Variants in HNRNPUL2 observed in about 807,000 individuals in gnomAD.
HNRNPUL2 encodes heterogeneous nuclear ribonucleoprotein U-like protein 2.
Under a neutral mutation model 102.2 loss-of-function variants are expected in HNRNPUL2, and 27 were observed. The observed-to-expected ratio is 0.26, with a 90% CI of 0.19 to 0.36. HNRNPUL2 has a LOEUF of 0.36. Ranked by LOEUF, HNRNPUL2 falls within the 10% of genes least tolerant of loss-of-function variation. The pLI is 1.00. For synonymous variants in HNRNPUL2, 458 were observed against 387.2 expected (o/e 1.18, Z -2.15); for missense variants, 936 against 981.1 (o/e 0.95, Z 0.61).
intron 2 of HNRNPUL2, 57 bp from the exon 3 acceptor site, chr11:62,724,047 G>GGT: frequency 7.1e-7 from 1 of 1,404,396 alleles, no homozygotes. Flanking sequence ...TTCTTTGAGG[G>GGT]GTGTGTGTGT....
chr11:62,722,395 G>C lies in HNRNPUL2; in HGVS notation c.1096-15C>G, dbSNP rs1049703066. Reference sequence around the variant, plus strand: ...GTCTCAAAATTCTACAATGACAAGGGACAAGAGCACTTATTGGCTGACGAG... The same window carrying C: ...GTCTCAAAATTCTACAATGACAAGGCACAAGAGCACTTATTGGCTGACGAG... On this transcript the variant is annotated splice_polypyrimidine_tract_variant and intron_variant, in intron 6 of 13. Coordinates refer to ENST00000301785, the MANE Select transcript of HNRNPUL2 (RefSeq NM_001079559.3). The C allele has an allele frequency of 1.9e-6, 3 of 1,611,496 alleles. No individual in the cohort carries two copies. The highest frequency in any genetic ancestry group is 4.5e-5 in the East Asian group (2 of 44,850).
rs1327357344 is a variant in HNRNPUL2, at chr11:62,712,755, T to C, written c.*2544A>G. The stretch of plus-strand genomic sequence containing the variant: ...GATGTAAACAATGACACAGTTACAT[T>C]TTTTTTTTAAATGGTAAAACCCCTT... On this transcript the variant is annotated 3_prime_UTR_variant, in exon 14 of 14. Coordinates refer to ENST00000301785, the MANE Select transcript of HNRNPUL2 (RefSeq NM_001079559.3). 6.6e-6 allele frequency: 1 copy of C among 151,470 alleles called. No homozygotes were observed. Among genetic ancestry groups the C allele is most frequent in the East Asian group, 1.9e-4 (1 of 5,192 alleles). 9.4% of individuals were successfully genotyped at this position (151,470 alleles called of 1,614,324 possible). A position where few individuals can be genotyped will look rare whatever the true frequency, so the allele number is the denominator to read the frequency against.
chr11:62,723,800 AGTT>A, intron 3 of HNRNPUL2, 74 bp from the exon 4 acceptor site: 1 of 1,602,958 alleles, frequency 6.2e-7, no homozygotes, highest in Non-Finnish European at 8.5e-7. Flanking sequence ...TAAGTATACC[AGTT>A]GTTGTAGTGG....
Position 62,717,198 on chromosome 11 carries a change from G to A in HNRNPUL2, c.1781-9C>T, listed in dbSNP as rs758381191. On this transcript the variant is annotated splice_polypyrimidine_tract_variant and intron_variant, in intron 10 of 13. Coordinates refer to ENST00000301785, the MANE Select transcript of HNRNPUL2 (RefSeq NM_001079559.3). ...AGGCAAAGAGAAGTTGGCTATAAGA[G>A]TAAGAGAGAAGCTTGTGGGCCTGAA... is the stretch of plus-strand genomic sequence containing the variant. 11 of 1,610,574 alleles carry A rather than the reference G, an allele frequency of 6.8e-6. No individual in the cohort carries two copies. In the African/African-American group the frequency reaches 1.3e-4, roughly 20 times the overall value.
At chr11:62,721,779 C>T (rs769928539) in intron 8 of HNRNPUL2, 41 bp downstream of exon 8, 4 of 1,607,398 alleles carry the variant, frequency 2.5e-6, no homozygotes, top group South Asian at 1.1e-5. Flanking sequence ...TTATAAGAGT[C>T]TCCAAATACT....
chr11:62,715,552 C>T lies in HNRNPUL2; in HGVS notation c.2111G>A (p.Arg704Gln), dbSNP rs775579824. The change falls in exon 13 of 14, where the codon CGA becomes CAA. Residue 704 changes from arginine (R) to glutamine (Q), a missense_variant. Transcript: ENST00000301785. ...YRGDYDRFYG[R>Q]DYEYNRYRDY... is the part of the protein sequence containing the mutation. ...TCTGTATCTGTTGTACTCATAATCT[C>T]GCCCGTAAAATCGATCATAGTCTCC... 5 of 1,613,348 alleles carry T rather than the reference C, an allele frequency of 3.1e-6. No homozygotes were observed. The highest frequency in any genetic ancestry group is 2.2e-5 in the South Asian group (2 of 91,046).
rs760678593 is a variant in HNRNPUL2 at position 62,715,282 on chromosome 11, T to G, written c.*17A>C. 6.3e-7 allele frequency: 1 copy of G among 1,599,070 alleles called. No individual in the cohort carries two copies. Among genetic ancestry groups the G allele is most frequent in the South Asian group, 1.1e-5 (1 of 90,588 alleles). On this transcript the variant is annotated 3_prime_UTR_variant, in exon 14 of 14. Coordinates refer to ENST00000301785, the MANE Select transcript of HNRNPUL2 (RefSeq NM_001079559.3). ...GAGATTCAGCTTCATGGCTGACAGGTGACCATGGCAGGGGCTTCACCGATA... is the reference window on the plus strand; with the variant it reads ...GAGATTCAGCTTCATGGCTGACAGGGGACCATGGCAGGGGCTTCACCGATA...
At chr11:62,723,843 T>G in intron 3 of HNRNPUL2, 71 bp downstream of exon 3, 2 of 1,600,250 alleles carry the variant, frequency 1.2e-6, no homozygotes, top group South Asian at 1.1e-5. Flanking sequence ...TTATAGGCTA[T>G]GAAGTTTTAA....
chr11:62,722,646 T>C lies in HNRNPUL2; in HGVS notation c.1050A>G (p.Glu350=), dbSNP rs767628491. The change falls in exon 6 of 14, where the codon GAA becomes GAG. Residue 350 remains glutamate, a synonymous_variant. Transcript: ENST00000301785. ...GLKAENGQFE[E]FGQTFGENDV... ...CATTCTCCCCAAAAGTCTGGCCAAATTCCTCAAATTGTCCATTTTCTGCCT... is the reference window on the plus strand; with the variant it reads ...CATTCTCCCCAAAAGTCTGGCCAAACTCCTCAAATTGTCCATTTTCTGCCT... 1.4e-5 allele frequency: 23 copies of C among 1,614,078 alleles called. No homozygotes were observed. Among genetic ancestry groups the C allele is most frequent in the Non-Finnish European group, 1.7e-5 (20 of 1,179,964 alleles).
chr11:62,726,877 C>T lies in HNRNPUL2; in HGVS notation c.280G>A (p.Asp94Asn). Residue 94 changes from aspartate to asparagine, a missense_variant, in exon 1 of 14, where the codon GAC becomes AAC. Around this residue, in one of 2 missense-constraint regions of HNRNPUL2, gnomAD observed 327 missense variants for 268.1 expected, o/e 1.22. Coordinates refer to ENST00000301785, the MANE Select transcript of HNRNPUL2 (RefSeq NM_001079559.3). ...EDEEALLEDE[D>N]EEPPPAQALG... ...GCTTGAGCAGGGGGTGGCTCCTCGT[C>T]CTCGTCCTCAAGCAGCGCCTCCTCG... The T allele has an allele frequency of 1.3e-6, 2 of 1,580,648 alleles. No individual in the cohort carries two copies. Among genetic ancestry groups the T allele is most frequent in the Admixed American group, 1.7e-5 (1 of 57,848 alleles).
In HNRNPUL2 at chr11:62,727,228, GCGCCGC is replaced by G. The variant is rs199865096; in HGVS notation, c.-78_-73del. ...CCGTCGACCGAGTCCGACCGCGCAGGCGCCGCCGCCGCCGCCCGCCTCCGCCTCACG... is the reference window on the plus strand; with the variant it reads ...CCGTCGACCGAGTCCGACCGCGCAGGCGCCGCCGCCCGCCTCCGCCTCACG... On this transcript the variant is annotated 5_prime_UTR_variant, in exon 1 of 14. Transcript: ENST00000301785. The G allele has an allele frequency of 1.0e-5, 13 of 1,298,020 alleles. No individual in the cohort carries two copies. The highest frequency in any genetic ancestry group is 2.0e-5 in the South Asian group (1 of 49,612). The allele number at this position is 1,298,020 out of a possible 1,614,324, so 80.4% of individuals were successfully genotyped here.
In HNRNPUL2 at chr11:62,727,245, C is replaced by T; in HGVS notation, c.-89G>A. On this transcript the variant is annotated 5_prime_UTR_variant, in exon 1 of 14. Transcript: ENST00000301785. ...CCGCGCAGGCGCCGCCGCCGCCGCC[C>T]GCCTCCGCCTCACGCGCCAGCACTG... is the stretch of plus-strand genomic sequence containing the variant. 1.6e-6 allele frequency: 2 copies of T among 1,233,794 alleles called. No individual in the cohort carries two copies. The highest frequency in any genetic ancestry group is 2.1e-6 in the Non-Finnish European group (2 of 964,700). 76.4% of individuals were successfully genotyped at this position (1,233,794 alleles called of 1,614,324 possible).
In HNRNPUL2 at chr11:62,720,965, G is replaced by C. The variant is rs376130984; in HGVS notation, c.1611+330C>G. On this transcript the variant is annotated intron_variant, in intron 9 of 13. Coordinates refer to ENST00000301785, the MANE Select transcript of HNRNPUL2 (RefSeq NM_001079559.3). Reference sequence around the variant, plus strand: ...TCTTCTTTAACTTTTCAAACTACATGACAGGTATTATCCTGTTTTGCTCAT... The same window carrying C: ...TCTTCTTTAACTTTTCAAACTACATCACAGGTATTATCCTGTTTTGCTCAT... 2.0e-5 allele frequency among the ~76,000 whole-genome samples: 3 copies of C among 150,964 alleles called. No individual in the cohort carries two copies. The South Asian group carries it at 6.3e-4, about 31-fold the overall frequency.
chr11:62,718,680 C>T (rs925785229), intron 10 of HNRNPUL2, among the ~76,000 whole-genome samples: 4 of 114,120 alleles, frequency 3.5e-5, no homozygotes, highest in Admixed American at 1.1e-4. Flanking sequence ...GCGACAAGGG[C>T]AAGACTCTGT....
intron 1 of HNRNPUL2, among the ~76,000 whole-genome samples, chr11:62,726,337 T>C (rs1370151411): frequency 3.9e-5 from 6 of 152,212 alleles, no homozygotes; most frequent in Non-Finnish European, 7.3e-5. Context: ...CGTGGGAGAC[T>C]GTTCCACAGG....
Position 62,719,998 on chromosome 11 carries a change from G to C in HNRNPUL2, c.1780+25C>G, listed in dbSNP as rs770492309. ...AAGTCTATGGTATTCTGTTATAGCAGCAGAAAATGGACTAAGACACCCACC... is the reference window on the plus strand; with the variant it reads ...AAGTCTATGGTATTCTGTTATAGCACCAGAAAATGGACTAAGACACCCACC... On this transcript the variant is annotated intron_variant, in intron 10 of 13. Coordinates refer to ENST00000301785, the MANE Select transcript of HNRNPUL2 (RefSeq NM_001079559.3). 5.0e-6 allele frequency: 8 copies of C among 1,594,888 alleles called. No homozygotes were observed. In the Admixed American group the frequency reaches 1.3e-4, roughly 27 times the overall value.
At chr11:62,720,338 G>C (rs1248683542) in intron 9 of HNRNPUL2, 147 bp from the exon 10 acceptor site, 3 of 674,034 alleles carry the variant, frequency 4.5e-6, no homozygotes, top group Non-Finnish European at 5.1e-6. Context: ...CTCAGGTCAG[G>C]AGTTCAAGAC....
chr11:62,726,487 T>C lies in HNRNPUL2; in HGVS notation c.538+132A>G, dbSNP rs1031260533. On this transcript the variant is annotated intron_variant, in intron 1 of 13. Coordinates refer to ENST00000301785, the MANE Select transcript of HNRNPUL2 (RefSeq NM_001079559.3). The stretch of plus-strand genomic sequence containing the variant: ...ACCCCTCAGAAAGGTGGGTAGAGAA[T>C]GAAAGGAGTTCCATCAAATGGCACT... The C allele has an allele frequency of 1.7e-5, 15 of 904,508 alleles. No individual in the cohort carries two copies. The East Asian group carries it at 2.9e-4, about 17-fold the overall frequency. The allele number at this position is 904,508 out of a possible 1,614,324, so 56.0% of individuals were successfully genotyped here.
intron 10 of HNRNPUL2, among the ~76,000 whole-genome samples, chr11:62,717,516 T>C (rs187605678): frequency 6.6e-6 from 1 of 152,294 alleles, no homozygotes; most frequent in Admixed American, 6.5e-5. Context: ...CTGAGAAAGT[T>C]CTGGTGTTGG....
Sources: allele counts gnomAD v4.1 joint callset (sites outside exome capture counted in the v4.1 genomes callset), GRCh38; gene constraint gnomAD v4.1.1; regional missense constraint gnomAD v4.1.1; transcripts MANE v1.5; gene names NCBI Gene and HGNC (gene_info 2026-07-23, HGNC 2026-07-21).